HMCN1: variants seen among roughly 807,000 people sequenced by gnomAD.
The protein encoded by HMCN1 is hemicentin-1.
HMCN1 carries 321 observed loss-of-function variants against 625.9 expected under a neutral mutation model. The observed-to-expected ratio is 0.51, with a 90% CI of 0.47 to 0.56. The LOEUF is 0.56. Among genes scored for constraint, HMCN1 ranks in the 20% least tolerant of loss-of-function variants. The pLI is 0.00. For missense variants in HMCN1, 6,588 were observed against 6,887.3 expected (o/e 0.96, Z 1.54); for synonymous variants, 2,425 against 2,417.6 (o/e 1.00, Z -0.09).
chr1:186,119,057 C>A, intron 77 of HMCN1, 134 bp from the exon 78 acceptor site: 1 of 709,266 alleles, frequency 1.4e-6, no homozygotes, highest in Non-Finnish European at 2.6e-6. Context: ...CTAGGCACTT[C>A]AGGGGATACA....
intron 13 of HMCN1, among the ~76,000 whole-genome samples, chr1:185,964,609 G>A (rs1479224810): frequency 1.3e-5 from 2 of 152,096 alleles, no homozygotes; most frequent in Non-Finnish European, 2.9e-5. Flanking sequence ...GTATTGAATT[G>A]AGAGCCTGGA....
chr1:185,993,334 G>T, intron 23 of HMCN1, 25 bp downstream of exon 23: 1 of 1,611,284 alleles, frequency 6.2e-7, no homozygotes, highest in South Asian at 1.1e-5. Flanking sequence ...GAGAACATAT[G>T]ACAACCCTGT....
intron 36 of HMCN1, among the ~76,000 whole-genome samples, chr1:186,027,728 C>G (rs1655151699): frequency 6.6e-6 from 1 of 152,160 alleles, no homozygotes; most frequent in Non-Finnish European, 1.5e-5. Context: ...CTCACTGCAC[C>G]ATTTTCATAA....
intron 11 of HMCN1, among the ~76,000 whole-genome samples, chr1:185,951,279 A>G (rs931599282): frequency 2.6e-5 from 4 of 151,240 alleles, no homozygotes; most frequent in African/African-American, 9.8e-5. Flanking sequence ...TAATAAGGGA[A>G]CTGGGCAGGT....
chr1:185,867,589 G>A (rs1663338837), intron 4 of HMCN1, among the ~76,000 whole-genome samples: 1 of 152,144 alleles, frequency 6.6e-6, no homozygotes. Flanking sequence ...GGGAGGTGGT[G>A]GTGGTGTGCA....
At chr1:185,736,291 GTAAT>G in intron 1 of HMCN1, among the ~76,000 whole-genome samples, 2 of 151,912 alleles carry the variant, frequency 1.3e-5, no homozygotes, top group Non-Finnish European at 2.9e-5. Flanking sequence ...TTACATATAT[GTAAT>G]TACATATATT....
Position 186,055,603 on chromosome 1 carries a change from C to T in HMCN1, c.7073C>T (p.Thr2358Ile), listed in dbSNP as rs1037037626. Residue 2358 changes from threonine (T) to isoleucine (I), a missense_variant, in exon 45 of 107, where the codon ACA becomes ATA. Coordinates refer to ENST00000271588, the MANE Select transcript of HMCN1 (RefSeq NM_031935.3). Reference protein sequence around the residue: ...LQLKNIHVSDTGRYVCVAVNV... With the variant: ...LQLKNIHVSDIGRYVCVAVNV... ...CTGAAGAACATTCATGTATCTGACACAGGCCGTTATGTGTGTGTTGCTGTG... is the reference window on the plus strand; with the variant it reads ...CTGAAGAACATTCATGTATCTGACATAGGCCGTTATGTGTGTGTTGCTGTG... 3 of 1,612,674 alleles carry T rather than the reference C, an allele frequency of 1.9e-6. No individual in the cohort carries two copies. The highest frequency in any genetic ancestry group is 2.5e-6 in the Non-Finnish European group (3 of 1,179,140).
intron 15 of HMCN1, among the ~76,000 whole-genome samples, chr1:185,973,387 A>AT (rs931737703): frequency 2.0e-5 from 3 of 152,094 alleles, no homozygotes; most frequent in African/African-American, 7.2e-5. Context: ...TTTCAGCTTA[A>AT]TTTTTTAAAG....
At chr1:185,871,377 A>G (rs1056322204) in intron 4 of HMCN1, among the ~76,000 whole-genome samples, 9 of 152,318 alleles carry the variant, frequency 5.9e-5, no homozygotes, top group Admixed American at 1.3e-4. Context: ...ACCATGGCTC[A>G]TATCCCAGCC....
In HMCN1 at chr1:185,999,470, A is replaced by G. The variant is rs573900204; in HGVS notation, c.3875-575A>G. On this transcript the variant is annotated intron_variant, in intron 25 of 106. Coordinates refer to ENST00000271588, the MANE Select transcript of HMCN1 (RefSeq NM_031935.3). ...ATGAATCCAGGAAAGCTATTTCTCA[A>G]CTACCATTTCAAGAATTGAGCTATT... 4.8e-5 allele frequency among the ~76,000 whole-genome samples: 7 copies of G among 147,168 alleles called. 1 individual carries two copies. The highest frequency in any genetic ancestry group is 1.9e-4 in the African/African-American group (7 of 36,820).
chr1:185,993,529 T>C (rs771779804), intron 23 of HMCN1: 13 of 487,168 alleles, frequency 2.7e-5, no homozygotes, highest in South Asian at 1.5e-4. Flanking sequence ...AAATAAACTA[T>C]GTTAAATTTT....
chr1:185,807,977 T>C (rs1659279285), intron 1 of HMCN1, among the ~76,000 whole-genome samples: 1 of 152,168 alleles, frequency 6.6e-6, no homozygotes, highest in African/African-American at 2.4e-5. Context: ...CTGCTTCATA[T>C]TGAAATTTCT....
rs187348015 is a variant in HMCN1, at chr1:185,797,206, T to A, written c.269-48820T>A. 2.1e-4 allele frequency among the ~76,000 whole-genome samples: 32 copies of A among 152,324 alleles called. No individual in the cohort carries two copies. In the East Asian group the frequency reaches 4.0e-3, roughly 19 times the overall value. ...GTTAATGGGGTTGTTTTTTTCCTGC[T>A]GAGTTGTTTGAATTCCTTGTAGATT... On this transcript the variant is annotated intron_variant, in intron 1 of 106. Transcript: ENST00000271588.
intron 11 of HMCN1, among the ~76,000 whole-genome samples, chr1:185,939,088 G>A (rs761814481): frequency 2.0e-5 from 3 of 151,928 alleles, no homozygotes; most frequent in Admixed American, 6.6e-5. Context: ...ATCTTAAAAA[G>A]GAAAAACAAA....
At chr1:186,118,733 A>C (rs1661251480) in intron 77 of HMCN1, among the ~76,000 whole-genome samples, 1 of 152,242 alleles carries the variant, frequency 6.6e-6, no homozygotes, top group South Asian at 2.1e-4. Flanking sequence ...TTATGCTCAT[A>C]GTGAAAGAAG....
At chr1:185,890,177 T>C (rs1054246827) in intron 4 of HMCN1, among the ~76,000 whole-genome samples, 28 of 149,640 alleles carry the variant, frequency 1.9e-4, no homozygotes, top group African/African-American at 2.1e-4. Context: ...CATTTTTTAT[T>C]GCGTCTATTT....
chr1:186,049,814 G>C (rs1239764346), intron 42 of HMCN1, among the ~76,000 whole-genome samples: 1 of 151,850 alleles, frequency 6.6e-6, no homozygotes, highest in Non-Finnish European at 1.5e-5. Flanking sequence ...AGCATGCACT[G>C]ATGTAGAAAA....
chr1:185,777,724 C>T (rs1656720036), intron 1 of HMCN1, among the ~76,000 whole-genome samples: 1 of 152,208 alleles, frequency 6.6e-6, no homozygotes. Flanking sequence ...GGATTACAGG[C>T]ATGAGCCACT....
chr1:185,971,597 A>G (rs1367730942), intron 15 of HMCN1, among the ~76,000 whole-genome samples: 1 of 152,220 alleles, frequency 6.6e-6, no homozygotes, highest in Non-Finnish European at 1.5e-5. Context: ...TTTTAAAGCA[A>G]AAGTTAGAAC....
Sources: gnomAD v4.1 joint callset for allele counts (sites outside exome capture counted in the v4.1 genomes callset) on GRCh38, gnomAD v4.1.1 for gene constraint, MANE v1.5 for transcripts, NCBI Gene and HGNC (gene_info 2026-07-23, HGNC 2026-07-21) for gene names.